The following CPEB1 variants were observed in gnomAD, a reference collection of about 807,000 sequenced individuals.
CPEB1 encodes the protein cytoplasmic polyadenylation element binding protein 1.
CPEB1 carries 7 observed loss-of-function variants against 65.8 expected under a neutral mutation model. The observed-to-expected ratio is 0.11, with a 90% CI of 0.06 to 0.20. CPEB1 has a LOEUF of 0.20. Among genes scored for constraint, CPEB1 ranks in the 10% least tolerant of loss-of-function variants. CPEB1 has a pLI of 1.00. For missense variants in CPEB1, 551 were observed against 712.2 expected (o/e 0.77, Z 2.58); for synonymous variants, 262 against 260.0 (o/e 1.01, Z -0.08).
At chr15:82,587,707 GCTCT>G in intron 3 of CPEB1, among the ~76,000 whole-genome samples, 1 of 152,200 alleles carries the variant, frequency 6.6e-6, no homozygotes, top group Admixed American at 6.5e-5. Flanking sequence ...TCTAGGTATG[GCTCT>G]CTGACAGAGA....
At chr15:82,625,560 A>T (rs1414967806) in intron 3 of CPEB1, among the ~76,000 whole-genome samples, 2 of 152,206 alleles carry the variant, frequency 1.3e-5, no homozygotes, top group African/African-American at 4.8e-5. Flanking sequence ...AAATCCGCAC[A>T]TACTCAAGTC....
At chr15:82,647,750 G>A (rs1429577706), upstream of CPEB1, 1 of 1,044,976 alleles carries the variant, frequency 9.6e-7, no homozygotes, top group Non-Finnish European at 1.2e-6. Context: ...CGCCCGCACG[G>A]GGCGGGGGAT....
intron 3 of CPEB1, among the ~76,000 whole-genome samples, chr15:82,578,094 C>T (rs931886603): frequency 4.6e-5 from 7 of 151,940 alleles, no homozygotes; most frequent in East Asian, 1.9e-4. Context: ...GAGCCGAGAT[C>T]GTGCCACTGC....
At chr15:82,584,189 G>A (rs1163641565) in intron 3 of CPEB1, among the ~76,000 whole-genome samples, 1 of 145,780 alleles carries the variant, frequency 6.9e-6, no homozygotes, top group African/African-American at 2.6e-5. Context: ...AACCCGGCAG[G>A]CAGAGCTTGC....
intron 1 of CPEB1, among the ~76,000 whole-genome samples, chr15:82,632,793 T>C (rs562170785): frequency 1.3e-5 from 2 of 152,060 alleles, no homozygotes; most frequent in Non-Finnish European, 2.9e-5. Flanking sequence ...CCTCTCAAAG[T>C]GCTGGGATTA....
chr15:82,599,818 C>T (rs1186177000), intron 3 of CPEB1, among the ~76,000 whole-genome samples: 6 of 152,180 alleles, frequency 3.9e-5, no homozygotes, highest in African/African-American at 1.4e-4. Context: ...AAATTTAAAA[C>T]CTCAAAGATG....
At chr15:82,607,573 C>T (rs1389205804) in intron 3 of CPEB1, among the ~76,000 whole-genome samples, 1 of 151,962 alleles carries the variant, frequency 6.6e-6, no homozygotes, top group East Asian at 1.9e-4. Context: ...GATGACAGAG[C>T]GAGACTCAAG....
At chr15:82,617,495 ATG>A (rs750101268) in intron 3 of CPEB1, among the ~76,000 whole-genome samples, 1 of 152,200 alleles carries the variant, frequency 6.6e-6, no homozygotes, top group African/African-American at 2.4e-5. Context: ...ATGATGAATA[ATG>A]TGATATCCTG....
At chr15:82,579,865 T>C (rs1484742389) in intron 3 of CPEB1, among the ~76,000 whole-genome samples, 4 of 122,770 alleles carry the variant, frequency 3.3e-5, no homozygotes, top group Admixed American at 2.2e-4. Context: ...TGAGCCGACA[T>C]TGCGCCACTG....
intron 3 of CPEB1, among the ~76,000 whole-genome samples, chr15:82,594,370 A>AAAAGG (rs1490643812): frequency 6.7e-6 from 1 of 150,280 alleles, no homozygotes; most frequent in African/African-American, 2.4e-5. Context: ...AAAAAAAAAG[A>AAAAGG]AAAGAAAAGA....
intron 3 of CPEB1, among the ~76,000 whole-genome samples, chr15:82,626,552 C>T (rs1340578404): frequency 6.6e-6 from 1 of 152,224 alleles, no homozygotes; most frequent in Non-Finnish European, 1.5e-5. Context: ...ACCATTAGGA[C>T]ATCCACACCT....
intron 3 of CPEB1, among the ~76,000 whole-genome samples, chr15:82,604,719 G>C (rs775876126): frequency 6.6e-6 from 1 of 152,122 alleles, no homozygotes; most frequent in Non-Finnish European, 1.5e-5. Flanking sequence ...TACAGACATG[G>C]AGATTATCCA....
At chr15:82,632,212 G>T (rs1358697210) in intron 1 of CPEB1, among the ~76,000 whole-genome samples, 1 of 151,970 alleles carries the variant, frequency 6.6e-6, no homozygotes, top group African/African-American at 2.4e-5. Context: ...TTGATCTCCT[G>T]ACCTCATGAT....
At chr15:82,629,955 A>C in intron 1 of CPEB1, 1 of 985,444 alleles carries the variant, frequency 1.0e-6, no homozygotes. Context: ...CAAAATACAC[A>C]ATCCTACAAG....
At chr15:82,621,234 A>G (rs2045271145) in intron 3 of CPEB1, among the ~76,000 whole-genome samples, 1 of 152,182 alleles carries the variant, frequency 6.6e-6, no homozygotes, top group Non-Finnish European at 1.5e-5. Flanking sequence ...CAGTAATCCC[A>G]GCAACTTGGG....
chr15:82,544,820 TG>T, intron 12 of CPEB1, 118 bp from the exon 13 acceptor site: 1 of 743,916 alleles, frequency 1.3e-6, no homozygotes, highest in Non-Finnish European at 2.3e-6. Context: ...ATGGCCTCTG[TG>T]GGTTAGAAGA....
chr15:82,646,011 C>T (rs2047485680), intron 1 of CPEB1, among the ~76,000 whole-genome samples: 1 of 152,196 alleles, frequency 6.6e-6, no homozygotes, highest in Non-Finnish European at 1.5e-5. Context: ...ACACCGTCCC[C>T]AGGGTTTTCC....
At position 82,553,474 on chromosome 15, in the gene CPEB1, A is replaced by T. The variant is rs2036631117; in HGVS notation, c.1137T>A (p.Pro379=). The change falls in exon 8 of 13, where the codon CCT becomes CCA. Residue 379 remains proline, a synonymous_variant. Coordinates refer to ENST00000684509, the MANE Select transcript of CPEB1 (RefSeq NM_001365242.1). The part of the protein sequence containing the change: ...PGKDGKHPRC[P]PKGYVYLVFE... ...TACCTTTAGGCATATTACCTTTGGG[A>T]GGACACCGGGGATGCTTGCCATCCT... 3 of 1,613,464 alleles carry T rather than the reference A, an allele frequency of 1.9e-6. No individual in the cohort carries two copies. The South Asian group carries it at 3.3e-5, about 18-fold the overall frequency.
intron 1 of CPEB1, among the ~76,000 whole-genome samples, chr15:82,632,496 A>G (rs1446139529): frequency 6.6e-6 from 1 of 151,924 alleles, no homozygotes; most frequent in Non-Finnish European, 1.5e-5. Context: ...CGACATGTGT[A>G]CTGTGTATAT....
Sources: gnomAD v4.1 joint callset for allele counts (sites outside exome capture counted in the v4.1 genomes callset) on GRCh38, gnomAD v4.1.1 for gene constraint, MANE v1.5 for transcripts, NCBI Gene and HGNC (gene_info 2026-07-23, HGNC 2026-07-21) for gene names.